RNF207: variants seen among roughly 807,000 people sequenced by gnomAD.
The protein encoded by RNF207 is OTTHUMG00000001089.
A neutral mutation model predicts 79.0 loss-of-function variants in RNF207; 72 were observed. That is an observed-to-expected ratio of 0.91 (90% CI 0.75 to 1.11). The LOEUF (loss-of-function observed/expected upper bound fraction) is 1.11. Among genes scored for constraint, RNF207 ranks in the 50% least tolerant of loss-of-function variants. RNF207 has a pLI of 0.00. For synonymous variants in RNF207, 348 were observed against 366.2 expected (o/e 0.95, Z 0.57); for missense variants, 936 against 855.8 (o/e 1.09, Z -1.17).
At chr1:6,206,323 C>G in intron 1 of RNF207, 21 bp downstream of exon 1, 1 of 556,990 alleles carries the variant, frequency 1.8e-6, no homozygotes. Flanking sequence ...GGCCCCGCCC[C>G]TCGCCAGTCC....
intron 16 of RNF207, among the ~76,000 whole-genome samples, 194 bp downstream of exon 16, chr1:6,213,377 C>T (rs1315005476): frequency 1.3e-5 from 2 of 151,734 alleles, no homozygotes; most frequent in African/African-American, 4.9e-5. Context: ...AAAAATCAGC[C>T]ATGCATGGTG....
At chr1:6,210,191 C>A (rs767856645) in intron 8 of RNF207, 32 bp from the exon 9 acceptor site, 10 of 1,579,900 alleles carry the variant, frequency 6.3e-6, no homozygotes, top group Non-Finnish European at 8.7e-6. Flanking sequence ...TGCTCCTGGC[C>A]CCCTGGAAAC....
intron 3 of RNF207, chr1:6,208,092 A>AC: frequency 4.3e-6 from 1 of 232,052 alleles, no homozygotes; most frequent in Non-Finnish European, 8.8e-6. Flanking sequence ...AGGGCCTGTT[A>AC]TGTCCATCAT....
In RNF207 at chr1:6,209,854, G is replaced by C. The variant is rs1171333157; in HGVS notation, c.754-70G>C. 4.0e-6 allele frequency: 6 copies of C among 1,482,858 alleles called. No homozygotes were observed. The African/African-American group carries it at 4.2e-5, about 10-fold the overall frequency. The allele number at this position is 1,482,858 out of a possible 1,614,324, so 91.9% of individuals were successfully genotyped here. On this transcript the variant is annotated intron_variant, in intron 7 of 17. Coordinates refer to ENST00000377939, the MANE Select transcript of RNF207 (RefSeq NM_207396.3). ...TGTAACCAGCAGGTGGCTGGGGTCC[G>C]GGGGGTAGGCATGGTGGGAGGTGGC...
chr1:6,215,820 G>A (rs1318234596), intron 16 of RNF207, among the ~76,000 whole-genome samples: 1 of 152,170 alleles, frequency 6.6e-6, no homozygotes, highest in Non-Finnish European at 1.5e-5. Flanking sequence ...GTGCCACCAC[G>A]CCCTCTAAGC....
At chr1:6,214,626 C>CTTTTTTTT (rs1553148919) in intron 16 of RNF207, among the ~76,000 whole-genome samples, 1 of 95,606 alleles carries the variant, frequency 1.0e-5, no homozygotes, top group African/African-American at 5.9e-5. Flanking sequence ...TGGAATATTT[C>CTTTTTTTT]TTTCTTTTTT....
chr1:6,210,000 C>A (rs1389359821), intron 8 of RNF207, 30 bp downstream of exon 8: 1 of 1,557,026 alleles, frequency 6.4e-7, no homozygotes, highest in Non-Finnish European at 8.7e-7. Context: ...GCTTGCTTCC[C>A]TTACCCCTTG....
chr1:6,208,045 G>A (rs974327013), intron 3 of RNF207: 2 of 278,622 alleles, frequency 7.2e-6, no homozygotes, highest in South Asian at 3.8e-5. Context: ...TGACCCAGAC[G>A]TACAGAGAGG....
At position 6,218,334 on chromosome 1, in the gene RNF207, G is replaced by C. The variant is rs760908067; in HGVS notation, c.1698G>C (p.Thr566=). The change falls in exon 17 of 18, where the codon ACG becomes ACC. Residue 566 remains threonine, a synonymous_variant. Transcript: ENST00000377939. The part of the protein sequence containing the change: ...VDEQSESLQN[T]HDDSRNNAAS... Reference sequence around the variant, plus strand: ...AGCAGTCAGAGAGTCTACAGAACACGCACGACGACAGCAGGAACAACGCGG... The same window carrying C: ...AGCAGTCAGAGAGTCTACAGAACACCCACGACGACAGCAGGAACAACGCGG... The C allele has an allele frequency of 6.2e-7, 1 of 1,614,068 alleles. No individual in the cohort carries two copies. Among genetic ancestry groups the C allele is most frequent in the Non-Finnish European group, 8.5e-7 (1 of 1,179,934 alleles).
rs1557589319 is a variant in RNF207, at chr1:6,212,222, T to C, written c.1297-9T>C. ...GTGACCCACGCTCTCACACAGCCTC[T>C]CTGTGCAGCACCTGCAGGCAGAGAT... is the stretch of plus-strand genomic sequence containing the variant. On this transcript the variant is annotated splice_polypyrimidine_tract_variant and intron_variant, in intron 13 of 17. Coordinates refer to ENST00000377939, the MANE Select transcript of RNF207 (RefSeq NM_207396.3). The C allele has an allele frequency of 6.2e-7, 1 of 1,609,088 alleles. No individual in the cohort carries two copies.
intron 16 of RNF207, among the ~76,000 whole-genome samples, chr1:6,215,810 G>A (rs1344079471): frequency 6.6e-6 from 1 of 152,186 alleles, no homozygotes; most frequent in Non-Finnish European, 1.5e-5. Context: ...TTACAGGTGT[G>A]TGCCACCACG....
intron 6 of RNF207, 28 bp downstream of exon 6, chr1:6,209,371 C>A (rs762610162): frequency 8.5e-6 from 13 of 1,527,976 alleles, no homozygotes; most frequent in South Asian, 1.2e-5. Context: ...GCGCGCGGGG[C>A]CGCGCGGCGG....
rs1257434011 is a variant in RNF207 at position 6,212,049 on chromosome 1, A to G, written c.1292A>G (p.Tyr431Cys). ...AEHCRHYEDS[Y>C]RHLQAEMQSL... The stretch of plus-strand genomic sequence containing the variant: ...CACTGCCGCCACTATGAGGACTCCT[A>G]CCGGGTGAGGGGGCAGGGATCTGCC... The change falls in exon 13 of 18, where the codon TAC (tyrosine) becomes TGC (cysteine). Residue 431 changes from tyrosine to cysteine, a missense_variant. Coordinates refer to ENST00000377939, the MANE Select transcript of RNF207 (RefSeq NM_207396.3). The G allele has an allele frequency of 4.4e-6, 7 of 1,595,766 alleles. No individual in the cohort carries two copies. Among genetic ancestry groups the G allele is most frequent in the Non-Finnish European group, 6.0e-6 (7 of 1,170,938 alleles).
intron 1 of RNF207, 55 bp downstream of exon 1, chr1:6,206,357 G>A (rs1557580711): frequency 1.7e-6 from 1 of 579,028 alleles, no homozygotes; most frequent in East Asian, 3.0e-5. Context: ...TCCCTGCGCC[G>A]GGGAGCTCCA....
Position 6,218,298 on chromosome 1 carries a change from AC to A in RNF207, c.1665del (p.Val556TrpfsTer55). The A allele has an allele frequency of 6.2e-7, 1 of 1,613,816 alleles. No homozygotes were observed. Among genetic ancestry groups the A allele is most frequent in the South Asian group, 1.1e-5 (1 of 91,072 alleles). On this transcript the variant is annotated frameshift_variant, in exon 17 of 18. Transcript: ENST00000377939. LOFTEE classifies it high-confidence loss of function. ...KERLEPRFQA[P>X]VDEQSESLQN... ...CCCACTCCCTTGCCAGGTTTCAGGCACCCGTGGATGAGCAGTCAGAGAGTCT... is the reference window on the plus strand; with the variant it reads ...CCCACTCCCTTGCCAGGTTTCAGGCACCGTGGATGAGCAGTCAGAGAGTCT...
chr1:6,210,999 A>G (rs2100931939), intron 11 of RNF207, 22 bp from the exon 12 acceptor site: 2 of 1,602,200 alleles, frequency 1.2e-6, no homozygotes, highest in Non-Finnish European at 1.7e-6. Context: ...AGGCCACCTC[A>G]TGACCCCATC....
rs1374740173 is a variant in RNF207, at chr1:6,210,859, C to T, written c.943-11C>T. On this transcript the variant is annotated splice_polypyrimidine_tract_variant and intron_variant, in intron 10 of 17. Transcript: ENST00000377939. Reference sequence around the variant, plus strand: ...ACCTCCACCGGCCTGAGGCCCTCCTCACTGCCACAGGAGCTGATGGAGAGG... The same window carrying T: ...ACCTCCACCGGCCTGAGGCCCTCCTTACTGCCACAGGAGCTGATGGAGAGG... The T allele has an allele frequency of 6.3e-7, 1 of 1,590,652 alleles. No homozygotes were observed. Among genetic ancestry groups the T allele is most frequent in the Middle Eastern group, 1.7e-4 (1 of 5,824 alleles).
chr1:6,214,653 T>TTTTTTTTTA (rs1668301303), intron 16 of RNF207, among the ~76,000 whole-genome samples: 1 of 123,942 alleles, frequency 8.1e-6, no homozygotes, highest in African/African-American at 3.1e-5. Flanking sequence ...TTTTTTTTTT[T>TTTTTTTTTA]GAGACAGAGT....
chr1:6,212,999 C>T (rs947963211), intron 15 of RNF207, 67 bp from the exon 16 acceptor site: 1 of 1,101,858 alleles, frequency 9.1e-7, no homozygotes, highest in Middle Eastern at 2.0e-4. Flanking sequence ...TGGTGCCTGG[C>T]TTGAGTAAAA....
Sources: gnomAD v4.1 joint callset for allele counts (sites outside exome capture counted in the v4.1 genomes callset) on GRCh38, gnomAD v4.1.1 for gene constraint, MANE v1.5 for transcripts, NCBI Gene and HGNC (gene_info 2026-07-23, HGNC 2026-07-21) for gene names.